Variants in RELN observed in about 807,000 individuals in gnomAD.
RELN encodes the protein reelin.
A neutral mutation model predicts 427.6 loss-of-function variants in RELN; 108 were observed. That is an observed-to-expected ratio of 0.25 (90% CI 0.22 to 0.30). RELN has a LOEUF of 0.30. RELN is among the 10% of genes least tolerant of loss of function. The pLI, the probability that RELN is intolerant of heterozygous loss-of-function variation, is 1.00. For missense variants in RELN, 3,715 were observed against 4,302.8 expected (o/e 0.86, Z 3.82); for synonymous variants, 1,524 against 1,513.4 (o/e 1.01, Z -0.16).
At chr7:103,927,846 T>A (rs1253106306) in intron 1 of RELN, among the ~76,000 whole-genome samples, 1 of 151,788 alleles carries the variant, frequency 6.6e-6, no homozygotes, top group Non-Finnish European at 1.5e-5. Context: ...GGCCTAGGAG[T>A]TTAGGAAAAA....
chr7:103,697,996 G>T lies in RELN; in HGVS notation c.1000C>A (p.Arg334Ser), dbSNP rs777631168. ...VQFQWKQENLRVGEVYEACWA... is the reference protein window; with the variant it reads ...VQFQWKQENLSVGEVYEACWA... Reference sequence around the variant, plus strand: ...CAGGCTTCATACACTTCACCTACACGAAGATTTTCCTGCTTCCACTGAAAT... The same window carrying T: ...CAGGCTTCATACACTTCACCTACACTAAGATTTTCCTGCTTCCACTGAAAT... Residue 334 changes from arginine (R) to serine (S), a missense_variant, in exon 10 of 65, where the codon CGT becomes AGT. Coordinates refer to ENST00000428762, the MANE Select transcript of RELN (RefSeq NM_005045.4). 1.9e-6 allele frequency: 3 copies of T among 1,613,670 alleles called. No homozygotes were observed. Among genetic ancestry groups the T allele is most frequent in the South Asian group, 1.1e-5 (1 of 91,088 alleles).
intron 32 of RELN, 78 bp downstream of exon 32, chr7:103,566,523 G>C: frequency 6.3e-7 from 1 of 1,595,616 alleles, no homozygotes; most frequent in Non-Finnish European, 8.6e-7. Context: ...AGCAAATTAA[G>C]AAACACACAG....
chr7:103,955,980 C>T (rs907156910), intron 1 of RELN, among the ~76,000 whole-genome samples: 1 of 152,154 alleles, frequency 6.6e-6, no homozygotes, highest in Non-Finnish European at 1.5e-5. Flanking sequence ...ACCACTATGT[C>T]TTTGGGTTCA....
chr7:103,542,147 A>G (rs1474504501), intron 43 of RELN, among the ~76,000 whole-genome samples: 2 of 152,220 alleles, frequency 1.3e-5, no homozygotes, highest in African/African-American at 4.8e-5. Context: ...GAGCCAGTTT[A>G]AAATGTTTGT....
In RELN at chr7:103,611,782, A is replaced by G. The variant is rs202070369; in HGVS notation, c.2724T>C (p.Leu908=). Residue 908 remains leucine (L), a synonymous_variant, in exon 21 of 65, where the codon CTT becomes CTC. Transcript: ENST00000428762. ...TTTCCACATAGCGCATACTTGAGGC[A>G]AGTTTAGAATCTCCTGTAAAACTGA... ...WTLCFTGDSK[L]ASSMRYVETQ... 1.2e-6 allele frequency: 2 copies of G among 1,613,816 alleles called. No homozygotes were observed. Among genetic ancestry groups the G allele is most frequent in the Non-Finnish European group, 1.7e-6 (2 of 1,179,756 alleles).
intron 57 of RELN, among the ~76,000 whole-genome samples, chr7:103,492,754 T>C (rs3823990): frequency 0.12 from 17,936 of 152,086 alleles, 1,396 homozygotes; most frequent in East Asian, 0.26. Flanking sequence ...TCAAAGGAGA[T>C]AGTATTTGAT....
rs776187813 is a variant in RELN, at chr7:103,510,997, G to A, written c.8128C>T (p.His2710Tyr). Residue 2710 changes from histidine to tyrosine, a missense_variant, in exon 51 of 65, where the codon CAC becomes TAC. This residue lies in a region of RELN where 1,310 missense variants were observed against 1,643.0 expected (regional missense o/e 0.80). Transcript: ENST00000428762. ...FMEDKTSVNE[H>Y]WLFHDDCTVE... ...GTACAATCATCATGGAATAGCCAGT[G>A]CTCATTCACTTAAAACAAAAAAACA... 5.0e-6 allele frequency: 8 copies of A among 1,613,072 alleles called. No homozygotes were observed. The South Asian group carries it at 6.6e-5, about 13-fold the overall frequency.
chr7:103,863,037 G>A (rs761357857), intron 2 of RELN, among the ~76,000 whole-genome samples: 17 of 151,908 alleles, frequency 1.1e-4, no homozygotes, highest in Admixed American at 2.0e-4. Context: ...ACACCAAGAG[G>A]GCAAAAGGAA....
chr7:103,808,247 A>C (rs569369446), intron 3 of RELN, among the ~76,000 whole-genome samples: 2 of 129,950 alleles, frequency 1.5e-5, no homozygotes, highest in South Asian at 2.9e-4. Context: ...AACATCACAC[A>C]CTGGGGACTG....
At chr7:103,613,093 C>T (rs1831997680) in intron 20 of RELN, among the ~76,000 whole-genome samples, 1 of 152,182 alleles carries the variant, frequency 6.6e-6, no homozygotes, top group East Asian at 1.9e-4. Flanking sequence ...ACAATACCCA[C>T]ATTACTTTCC....
In RELN at chr7:103,490,846, G is replaced by T. The variant is rs750770819; in HGVS notation, c.9444-17C>A. On this transcript the variant is annotated splice_polypyrimidine_tract_variant and intron_variant, in intron 58 of 64. Coordinates refer to ENST00000428762, the MANE Select transcript of RELN (RefSeq NM_005045.4). ...GAATCCGATCTGCAGAAACCAAAAG[G>T]CTTTGTTAGACAAATTGTAAGAGAA... 1.2e-6 allele frequency: 2 copies of T among 1,613,790 alleles called. No homozygotes were observed. The highest frequency in any genetic ancestry group is 2.2e-5 in the East Asian group (1 of 44,892).
At chr7:103,858,996 C>T (rs1394725095) in intron 2 of RELN, among the ~76,000 whole-genome samples, 1 of 152,148 alleles carries the variant, frequency 6.6e-6, no homozygotes. Context: ...GACCTCAATT[C>T]CATATTTTCA....
At chr7:103,588,598 CAAAT>C (rs1831334090) in intron 28 of RELN, among the ~76,000 whole-genome samples, 1 of 152,094 alleles carries the variant, frequency 6.6e-6, no homozygotes, top group Non-Finnish European at 1.5e-5. Context: ...TGTACTCTGA[CAAAT>C]AAGACATACA....
chr7:103,776,570 C>G lies in RELN; in HGVS notation c.531G>C (p.Leu177Phe), dbSNP rs746290551. The G allele has an allele frequency of 5.0e-6, 8 of 1,614,100 alleles. No homozygotes were observed. The highest frequency in any genetic ancestry group is 6.8e-6 in the Non-Finnish European group (8 of 1,179,958). The change falls in exon 4 of 65, where the codon TTG (leucine) becomes TTC (phenylalanine). Residue 177 changes from leucine (L) to phenylalanine (F), a missense_variant. Leu to Phe is a conservative substitution (Grantham distance 22). Transcript: ENST00000428762. ...VIFKDALAQQ[L>F]CEQGAPTDVT... is the part of the protein sequence containing the mutation. ...TGTGACGCTTACCTCCTTGTTCACA[C>G]AACTGCTGGGCTAAAGCATCTTTGA...
At chr7:103,589,517 G>C (rs932325110) in intron 28 of RELN, 79 bp downstream of exon 28, 3 of 942,954 alleles carry the variant, frequency 3.2e-6, no homozygotes, top group African/African-American at 3.2e-5. Context: ...GATCTTTCAG[G>C]ATTACAACAT....
intron 8 of RELN, among the ~76,000 whole-genome samples, chr7:103,722,745 G>A (rs1310561604): frequency 1.3e-5 from 2 of 151,972 alleles, no homozygotes; most frequent in African/African-American, 2.4e-5. Flanking sequence ...GGTTTCTTTC[G>A]GTTACCAGTA....
chr7:103,831,369 T>C lies in RELN; in HGVS notation c.473+2168A>G, dbSNP rs369899371. Among the ~76,000 whole-genome samples the C allele has an allele frequency of 2.8e-4, 43 of 152,206 alleles. No individual in the cohort carries two copies. The South Asian group carries it at 7.9e-3, about 28-fold the overall frequency. On this transcript the variant is annotated intron_variant, in intron 3 of 64. Transcript: ENST00000428762. The stretch of plus-strand genomic sequence containing the variant: ...GGGGAATTTTCCTTGACATCTTACA[T>C]ATAAGACACTGTAGCAACTAATGGA...
intron 1 of RELN, among the ~76,000 whole-genome samples, chr7:103,925,403 AT>A (rs34863013): frequency 5.9e-5 from 9 of 152,220 alleles, no homozygotes; most frequent in East Asian, 1.9e-4. Flanking sequence ...ATAACCCAAA[AT>A]TTTTTTCTTT....
At chr7:103,885,106 G>A (rs6949057) in intron 2 of RELN, among the ~76,000 whole-genome samples, 19,234 of 152,160 alleles carry the variant, frequency 0.13, 1,538 homozygotes, top group East Asian at 0.36. Flanking sequence ...TTGGGAGGCC[G>A]AGGCAGGCGG....
Sources: allele counts gnomAD v4.1 joint callset (sites outside exome capture counted in the v4.1 genomes callset), GRCh38; gene constraint gnomAD v4.1.1; regional missense constraint gnomAD v4.1.1; transcripts MANE v1.5; gene names NCBI Gene and HGNC (gene_info 2026-07-23, HGNC 2026-07-21).